The following TAF8 variants were observed in gnomAD, a reference collection of about 807,000 sequenced individuals.
TAF8 encodes transcription initiation factor TFIID subunit 8.
In TAF8, 47 loss-of-function variants were observed where a neutral mutation model predicts 36.5. That is an observed-to-expected ratio of 1.29 (90% CI 1.02 to 1.64). TAF8 has a LOEUF of 1.64. Among genes scored for constraint, TAF8 ranks in the 40% most tolerant of loss-of-function variants. The pLI is 0.00. For synonymous variants in TAF8, 175 were observed against 159.5 expected (o/e 1.10, Z -0.73); for missense variants, 420 against 407.6 (o/e 1.03, Z -0.26).
chr6:42,053,212 A>G lies in TAF8; in HGVS notation c.202+1699A>G, dbSNP rs1272646263. On this transcript the variant is annotated intron_variant, in intron 2 of 8. Transcript: ENST00000372977. ...CAGCTCTCAGAATCCCTTTATATTAATAAACATTGAGGACCCCAAGTAGCT... is the reference window on the plus strand; with the variant it reads ...CAGCTCTCAGAATCCCTTTATATTAGTAAACATTGAGGACCCCAAGTAGCT... Among the ~76,000 whole-genome samples, 3 of 152,164 alleles carry G rather than the reference A, an allele frequency of 2.0e-5. No individual in the cohort carries two copies. The East Asian group carries it at 5.8e-4, about 29-fold the overall frequency.
downstream of TAF8, chr6:42,086,884 A>G (rs978883345): frequency 2.9e-5 from 27 of 916,846 alleles, no homozygotes; most frequent in Non-Finnish European, 4.3e-5. Context: ...ATGCTACCCC[A>G]CAAGCTTGTC....
intron 5 of TAF8, among the ~76,000 whole-genome samples, chr6:42,059,260 GTAGTCCTAGC>G (rs1765110787): frequency 6.6e-6 from 1 of 152,096 alleles, no homozygotes; most frequent in African/African-American, 2.4e-5. Flanking sequence ...GCGGGCACCT[GTAGTCCTAGC>G]TACTTGGGAG....
rs1226732787 is a variant in TAF8 at position 42,051,376 on chromosome 6, C to T, written c.65C>T (p.Ser22Phe). The change falls in exon 2 of 9, where the codon TCC becomes TTC. Residue 22 changes from serine to phenylalanine, a missense_variant. Coordinates refer to ENST00000372977, the MANE Select transcript of TAF8 (RefSeq NM_138572.3). Reference sequence around the variant, plus strand: ...TCACAGAGATCGGGAAGTAAACAGTCCACTAACCCTGCCGATAACTATCAT... The same window carrying T: ...TCACAGAGATCGGGAAGTAAACAGTTCACTAACCCTGCCGATAACTATCAT... Reference protein sequence around the residue: ...GSGTRSGSKQSTNPADNYHLA... With the variant: ...GSGTRSGSKQFTNPADNYHLA... 1 of 1,613,982 alleles carries T rather than the reference C, an allele frequency of 6.2e-7. No individual in the cohort carries two copies. The highest frequency in any genetic ancestry group is 1.3e-5 in the African/African-American group (1 of 74,918).
chr6:42,066,812 T>G (rs1472863237), intron 6 of TAF8, among the ~76,000 whole-genome samples: 1 of 152,112 alleles, frequency 6.6e-6, no homozygotes, highest in African/African-American at 2.4e-5. Flanking sequence ...CCCACCTCAT[T>G]TAACTTGGCA....
intron 8 of TAF8, 42 bp from the exon 9 acceptor site, chr6:42,077,491 A>C: frequency 6.2e-7 from 1 of 1,609,550 alleles, no homozygotes; most frequent in Middle Eastern, 1.7e-4. Flanking sequence ...GAGAGCAGAC[A>C]GGGCCCACAC....
downstream of TAF8, among the ~76,000 whole-genome samples, chr6:42,086,308 A>G (rs1562026784): frequency 2.6e-5 from 4 of 152,246 alleles, no homozygotes; most frequent in African/African-American, 9.6e-5. Flanking sequence ...ATAAGTGAAA[A>G]GTGCTTTTTT....
chr6:42,071,159 T>C (rs1765552542), intron 7 of TAF8, among the ~76,000 whole-genome samples: 1 of 152,034 alleles, frequency 6.6e-6, no homozygotes, highest in Admixed American at 6.6e-5. Flanking sequence ...AAATCAGCAC[T>C]AGTTTGGATG....
Position 42,079,524 on chromosome 6 carries a change from C to T in TAF8, c.*1979C>T, listed in dbSNP as rs1765857140. 2.0e-6 allele frequency: 2 copies of T among 985,188 alleles called. No individual in the cohort carries two copies. The highest frequency in any genetic ancestry group is 1.7e-5 in the African/African-American group (1 of 57,206). 61.0% of individuals were successfully genotyped at this position (985,188 alleles called of 1,614,324 possible). ...GTTTCCCAAATTAGAATCCTAACGTCCATATTTAGCTTCATGTATTCCCCT... is the reference window on the plus strand; with the variant it reads ...GTTTCCCAAATTAGAATCCTAACGTTCATATTTAGCTTCATGTATTCCCCT... On this transcript the variant is annotated 3_prime_UTR_variant, in exon 9 of 9. Transcript: ENST00000372977.
chr6:42,073,102 T>G (rs1562019836), intron 7 of TAF8, among the ~76,000 whole-genome samples: 1 of 152,242 alleles, frequency 6.6e-6, no homozygotes, highest in Non-Finnish European at 1.5e-5. Flanking sequence ...CAGTACATTA[T>G]TTAACCTGGT....
In TAF8 at chr6:42,068,481, T is replaced by G; in HGVS notation, c.654T>G (p.Pro218=). The G allele has an allele frequency of 6.2e-7, 1 of 1,614,050 alleles. No individual in the cohort carries two copies. ...ATTCGCCAGTGATTGCTGCCAGACC[T>G]TTCACCATCCCCTACCTGACAGCTC... The part of the protein sequence containing the change: ...VSTFPLIAAR[P]FTIPYLTALL... Residue 218 remains proline (P), a synonymous_variant, in exon 7 of 9, where the codon CCT becomes CCG. Coordinates refer to ENST00000372977, the MANE Select transcript of TAF8 (RefSeq NM_138572.3).
chr6:42,085,943 C>T (rs1486444503), downstream of TAF8, among the ~76,000 whole-genome samples: 1 of 152,206 alleles, frequency 6.6e-6, no homozygotes, highest in African/African-American at 2.4e-5. Flanking sequence ...CAAGATCGCA[C>T]CATGGCCCTC....
rs764967977 is a variant in TAF8, at chr6:42,050,580, C to T, written c.39C>T (p.Ser13=). 5.8e-6 allele frequency: 9 copies of T among 1,556,568 alleles called. No homozygotes were observed. In the East Asian group the frequency reaches 9.6e-5, roughly 17 times the overall value. ...DAAATAGAGG[S]GTRSGSKQST... is the part of the protein sequence containing the mutation. ...CGGCCACAGCTGGGGCCGGTGGCTCCGGAACGGTAAGGGCAGGAAGCGCGG... is the reference window on the plus strand; with the variant it reads ...CGGCCACAGCTGGGGCCGGTGGCTCTGGAACGGTAAGGGCAGGAAGCGCGG... The change falls in exon 1 of 9, where the codon TCC becomes TCT. Residue 13 remains serine (S), a synonymous_variant. Transcript: ENST00000372977.
At chr6:42,072,133 G>A (rs776666500) in intron 7 of TAF8, among the ~76,000 whole-genome samples, 17 of 152,200 alleles carry the variant, frequency 1.1e-4, no homozygotes, top group Non-Finnish European at 2.4e-4. Context: ...AAGGGACAGG[G>A]GGAGCGTGAG....
chr6:42,051,751 A>G (rs1268540066), intron 2 of TAF8: 1 of 302,768 alleles, frequency 3.3e-6, no homozygotes, highest in Non-Finnish European at 6.2e-6. Context: ...ACCTGAAGTC[A>G]GGAGTTCAAG....
chr6:42,066,149 C>G (rs568802146), intron 5 of TAF8, among the ~76,000 whole-genome samples, 163 bp from the exon 6 acceptor site: 1 of 152,290 alleles, frequency 6.6e-6, no homozygotes, highest in East Asian at 1.9e-4. Flanking sequence ...GATCCACCAG[C>G]CTTGGCCTCC....
Position 42,058,467 on chromosome 6 carries a change from T to C in TAF8, c.489+954T>C, listed in dbSNP as rs73430008. 9.8e-3 allele frequency among the ~76,000 whole-genome samples: 1,498 copies of C among 152,326 alleles called. 24 individuals carry two copies. The highest frequency in any genetic ancestry group is 0.034 in the African/African-American group (1,415 of 41,568). On this transcript the variant is annotated intron_variant, in intron 5 of 8. Coordinates refer to ENST00000372977, the MANE Select transcript of TAF8 (RefSeq NM_138572.3). ...GTCTGAATGAGGAGAAGATGAATTATCCTCTGTGGTTTGAATGTGTTCTAA... is the reference window on the plus strand; with the variant it reads ...GTCTGAATGAGGAGAAGATGAATTACCCTCTGTGGTTTGAATGTGTTCTAA...
In TAF8 at chr6:42,075,858, T is replaced by C. The variant is rs141960475; in HGVS notation, c.781-1242T>C. On this transcript the variant is annotated intron_variant, in intron 7 of 8. Coordinates refer to ENST00000372977, the MANE Select transcript of TAF8 (RefSeq NM_138572.3). ...TGTGACTTTTTAAGAATTTTGATCA[T>C]ACTGATTACATGTGAACTTACAAAC... 5.3e-5 allele frequency among the ~76,000 whole-genome samples: 8 copies of C among 152,352 alleles called. No individual in the cohort carries two copies. In the East Asian group the frequency reaches 1.2e-3, roughly 22 times the overall value.
intron 5 of TAF8, among the ~76,000 whole-genome samples, chr6:42,062,514 T>G (rs1171525145): frequency 6.6e-6 from 1 of 150,944 alleles, no homozygotes; most frequent in African/African-American, 2.4e-5. Flanking sequence ...TGTTACTCTT[T>G]TAGGTTAAGA....
chr6:42,068,493 C>G lies in TAF8; in HGVS notation c.666C>G (p.Pro222=). 1 of 1,614,162 alleles carries G rather than the reference C, an allele frequency of 6.2e-7. No homozygotes were observed. Among genetic ancestry groups the G allele is most frequent in the East Asian group, 2.2e-5 (1 of 44,886 alleles). ...PLIAARPFTI[P]YLTALLPSEL... ...TTGCTGCCAGACCTTTCACCATCCC[C>G]TACCTGACAGCTCTTCTTCCGTCTG... Residue 222 remains proline, a synonymous_variant, in exon 7 of 9, where the codon CCC becomes CCG. Transcript: ENST00000372977.
Sources: allele counts gnomAD v4.1 joint callset (sites outside exome capture counted in the v4.1 genomes callset), GRCh38; gene constraint gnomAD v4.1.1; transcripts MANE v1.5; gene names NCBI Gene and HGNC (gene_info 2026-07-23, HGNC 2026-07-21).